The following MARCHF1 variants were observed in gnomAD, a reference collection of about 807,000 sequenced individuals.
The protein encoded by MARCHF1 is E3 ubiquitin-protein ligase MARCHF1.
MARCHF1 carries 40 observed loss-of-function variants against 54.2 expected under a neutral mutation model. That is an observed-to-expected ratio of 0.74 (90% CI 0.57 to 0.96). MARCHF1 has a LOEUF of 0.96. Among genes scored for constraint, MARCHF1 ranks in the 40% least tolerant of loss-of-function variants. MARCHF1 has a pLI of 0.00. For missense variants in MARCHF1, 586 were observed against 656.5 expected (o/e 0.89, Z 1.17); for synonymous variants, 236 against 236.3 (o/e 1.00, Z 0.01).
At chr4:163,923,254 A>G (rs1405156140) in intron 3 of MARCHF1, among the ~76,000 whole-genome samples, 2 of 152,120 alleles carry the variant, frequency 1.3e-5, no homozygotes, top group South Asian at 2.1e-4. Context: ...ATATTTATGC[A>G]TTATTACCTT....
chr4:163,661,990 T>C (rs954941223), intron 5 of MARCHF1, among the ~76,000 whole-genome samples: 11 of 152,118 alleles, frequency 7.2e-5, no homozygotes, highest in African/African-American at 2.7e-4. Context: ...TGTGAAGTAA[T>C]TGCTCCTTTT....
chr4:164,196,557 T>G (rs1449135307), intron 1 of MARCHF1, among the ~76,000 whole-genome samples: 3 of 152,174 alleles, frequency 2.0e-5, no homozygotes, highest in South Asian at 4.1e-4. Flanking sequence ...ATTGTAAATA[T>G]TTTCTTTCCT....
chr4:164,280,852 G>T lies in MARCHF1; in HGVS notation c.-323+103018C>A, dbSNP rs201117221. On this transcript the variant is annotated intron_variant, in intron 1 of 9. Coordinates refer to ENST00000514618, the MANE Select transcript of MARCHF1 (RefSeq NM_001394959.1). ...CTATTCCTGACCTCACTCTTTCCAG[G>T]TAGGTAGATATTAGTTGTAATTTTA... Among the ~76,000 whole-genome samples the T allele has an allele frequency of 2.0e-5, 3 of 152,122 alleles. No individual in the cohort carries two copies. The East Asian group carries it at 5.8e-4, about 29-fold the overall frequency.
intron 2 of MARCHF1, among the ~76,000 whole-genome samples, chr4:164,038,605 G>A (rs542099459): frequency 2.0e-5 from 3 of 152,310 alleles, no homozygotes; most frequent in Non-Finnish European, 2.9e-5. Context: ...CCCATGGGTG[G>A]TCCATGGTCC....
At chr4:163,772,477 G>A (rs1747189623) in intron 4 of MARCHF1, among the ~76,000 whole-genome samples, 1 of 152,138 alleles carries the variant, frequency 6.6e-6, no homozygotes, top group South Asian at 2.1e-4. Flanking sequence ...AGGCTCTGGG[G>A]AAAAATCCAC....
Position 164,042,568 on chromosome 4 carries a change from G to C in MARCHF1, c.-247-53859C>G, listed in dbSNP as rs1015064495. Among the ~76,000 whole-genome samples the C allele has an allele frequency of 5.3e-5, 8 of 152,134 alleles. No individual in the cohort carries two copies. In the East Asian group the frequency reaches 1.5e-3, roughly 29 times the overall value. On this transcript the variant is annotated intron_variant, in intron 2 of 9. Transcript: ENST00000514618. ...CTAAGCCCCTTCTCCAATTCAACAT[G>C]AGATTTAGGAGGGGACACAAATCCA...
intron 1 of MARCHF1, among the ~76,000 whole-genome samples, chr4:164,351,946 G>T (rs1160527210): frequency 6.9e-6 from 1 of 144,554 alleles, no homozygotes; most frequent in Admixed American, 7.1e-5. Flanking sequence ...ACCAAGGCTC[G>T]AGAACTACGT....
At chr4:164,225,630 T>G (rs927877414) in intron 1 of MARCHF1, among the ~76,000 whole-genome samples, 3 of 152,032 alleles carry the variant, frequency 2.0e-5, no homozygotes, top group South Asian at 2.1e-4. Flanking sequence ...TTCTTGTACT[T>G]TCCACTACAA....
At chr4:164,366,332 C>T (rs911075281) in intron 1 of MARCHF1, among the ~76,000 whole-genome samples, 9 of 152,024 alleles carry the variant, frequency 5.9e-5, no homozygotes, top group African/African-American at 1.7e-4. Context: ...ATAAAGTTTA[C>T]ACTCCAGGAG....
intron 2 of MARCHF1, among the ~76,000 whole-genome samples, chr4:164,080,495 G>C (rs897321716): frequency 1.3e-5 from 2 of 151,998 alleles, no homozygotes; most frequent in African/African-American, 2.4e-5. Flanking sequence ...GAAAAAAATA[G>C]AGCATAGACT....
At chr4:163,883,347 ATT>A (rs11398171) in intron 3 of MARCHF1, among the ~76,000 whole-genome samples, 7 of 138,270 alleles carry the variant, frequency 5.1e-5, no homozygotes, top group Non-Finnish European at 7.7e-5. Context: ...CTACGGATGT[ATT>A]TTTTTTTTTT....
intron 3 of MARCHF1, among the ~76,000 whole-genome samples, chr4:163,874,933 A>G (rs894225470): frequency 5.3e-5 from 8 of 152,182 alleles, no homozygotes; most frequent in Non-Finnish European, 1.2e-4. Flanking sequence ...ATGAAAATTT[A>G]TAGGAAAAAA....
intron 4 of MARCHF1, among the ~76,000 whole-genome samples, chr4:163,717,628 T>C (rs1015008727): frequency 5.3e-5 from 8 of 152,160 alleles, no homozygotes; most frequent in African/African-American, 1.4e-4. Flanking sequence ...GTAAAAATGT[T>C]CCTATTTCTC....
chr4:163,919,804 T>C (rs147345343), intron 3 of MARCHF1, among the ~76,000 whole-genome samples: 3 of 152,276 alleles, frequency 2.0e-5, no homozygotes, highest in Non-Finnish European at 4.4e-5. Flanking sequence ...TTCAGCACTA[T>C]GTCTTAAGAA....
At chr4:164,242,106 C>T (rs956013304) in intron 1 of MARCHF1, among the ~76,000 whole-genome samples, 1 of 152,006 alleles carries the variant, frequency 6.6e-6, no homozygotes, top group Non-Finnish European at 1.5e-5. Flanking sequence ...CCTGGAAGCT[C>T]GAACTGGGTG....
intron 1 of MARCHF1, among the ~76,000 whole-genome samples, chr4:164,318,203 T>C (rs1164283721): frequency 6.6e-6 from 1 of 152,188 alleles, no homozygotes; most frequent in Non-Finnish European, 1.5e-5. Flanking sequence ...ACAGTAATTG[T>C]TCAAAAAATG....
At chr4:163,703,224 T>A (rs1226727378) in intron 4 of MARCHF1, among the ~76,000 whole-genome samples, 1 of 152,116 alleles carries the variant, frequency 6.6e-6, no homozygotes, top group African/African-American at 2.4e-5. Context: ...TAGGTCACTA[T>A]ACAATTTTTT....
intron 4 of MARCHF1, among the ~76,000 whole-genome samples, chr4:163,845,797 T>A: frequency 6.6e-6 from 1 of 152,194 alleles, no homozygotes; most frequent in East Asian, 1.9e-4. Flanking sequence ...CTATTGTGAA[T>A]AACCATGTTT....
intron 4 of MARCHF1, among the ~76,000 whole-genome samples, chr4:163,742,987 A>G (rs994541990): frequency 6.6e-6 from 1 of 152,240 alleles, no homozygotes; most frequent in Non-Finnish European, 1.5e-5. Flanking sequence ...AAACTAAAAA[A>G]TTGACATTTC....
Sources: allele counts gnomAD v4.1 joint callset (sites outside exome capture counted in the v4.1 genomes callset), GRCh38; gene constraint gnomAD v4.1.1; transcripts MANE v1.5; gene names NCBI Gene and HGNC (gene_info 2026-07-23, HGNC 2026-07-21).